ADAM22: variants seen among roughly 807,000 people sequenced by gnomAD.
ADAM22 encodes the protein ADAM metallopeptidase domain 22, also known as disintegrin and metalloproteinase domain-containing protein 22.
Under a neutral mutation model 144.6 loss-of-function variants are expected in ADAM22, and 65 were observed. That is an observed-to-expected ratio of 0.45 (90% confidence interval 0.37 to 0.55). The LOEUF (loss-of-function observed/expected upper bound fraction) is 0.55. ADAM22 is among the 20% of genes least tolerant of loss of function. The pLI, the probability that ADAM22 is intolerant of heterozygous loss-of-function variation, is 0.00. For synonymous variants in ADAM22, 391 were observed against 412.6 expected, an observed-to-expected ratio of 0.95 and a Z score of 0.63; for missense variants, 974 against 1,184.9, an observed-to-expected ratio of 0.82 and a Z score of 2.61.
intron 13 of ADAM22, among the ~76,000 whole-genome samples, 187 bp from the exon 14 acceptor site, chr7:88,135,793 T>C (rs1832866163): frequency 6.6e-6 from 1 of 152,194 alleles, no homozygotes; most frequent in Non-Finnish European, 1.5e-5. Context: ...ATAATCTTGA[T>C]AGGGTCAAAG....
At chr7:88,029,636 A>G (rs562640433) in intron 3 of ADAM22, among the ~76,000 whole-genome samples, 12 of 152,170 alleles carry the variant, frequency 7.9e-5, no homozygotes, top group Admixed American at 5.9e-4. Flanking sequence ...AACTTTGTTT[A>G]GTGTTTCTTA....
At chr7:88,001,008 A>G (rs1792414237) in intron 3 of ADAM22, among the ~76,000 whole-genome samples, 1 of 152,198 alleles carries the variant, frequency 6.6e-6, no homozygotes, top group Admixed American at 6.5e-5. Context: ...ATTATCATGC[A>G]ATTGTTTCTA....
At chr7:88,135,207 G>A (rs1832715743) in intron 13 of ADAM22, among the ~76,000 whole-genome samples, 1 of 149,366 alleles carries the variant, frequency 6.7e-6, no homozygotes, top group Admixed American at 6.7e-5. Flanking sequence ...GAACCCAGGA[G>A]GCGGAGGTTG....
At chr7:87,947,960 A>T (rs1340515699) in intron 2 of ADAM22, among the ~76,000 whole-genome samples, 1 of 152,172 alleles carries the variant, frequency 6.6e-6, no homozygotes, top group African/African-American at 2.4e-5. Flanking sequence ...GCCATGACTT[A>T]TAGAGGGCCC....
At chr7:88,116,950 C>A in intron 7 of ADAM22, 136 bp downstream of exon 7, 5 of 602,238 alleles carry the variant, frequency 8.3e-6, no homozygotes, top group Admixed American at 3.1e-5. Context: ...AGCCAAGTCA[C>A]GTCAAGAGGG....
chr7:88,184,511 G>A (rs769872139), intron 29 of ADAM22: 4 of 210,186 alleles, frequency 1.9e-5, no homozygotes, highest in Non-Finnish European at 4.1e-5. Flanking sequence ...CCTCATGTTT[G>A]CCAGAGGTGC....
intron 4 of ADAM22, among the ~76,000 whole-genome samples, chr7:88,082,450 C>T (rs924248841): frequency 9.9e-5 from 15 of 151,952 alleles, no homozygotes; most frequent in African/African-American, 3.1e-4. Context: ...GTCTAAAACA[C>T]CAAATGCAAT....
intron 4 of ADAM22, among the ~76,000 whole-genome samples, chr7:88,078,863 A>G (rs1279657128): frequency 5.9e-5 from 9 of 152,224 alleles, no homozygotes; most frequent in African/African-American, 2.4e-5. Flanking sequence ...GACCAAATCT[A>G]CGTCTAATTG....
intron 29 of ADAM22, among the ~76,000 whole-genome samples, chr7:88,185,037 C>G (rs547772781): frequency 4.6e-5 from 7 of 152,288 alleles, no homozygotes; most frequent in African/African-American, 1.7e-4. Flanking sequence ...GCTTTTTCTA[C>G]GGTTTTCCCC....
intron 3 of ADAM22, among the ~76,000 whole-genome samples, chr7:88,053,301 G>T (rs975093275): frequency 1.3e-5 from 2 of 150,544 alleles, no homozygotes; most frequent in African/African-American, 4.9e-5. Flanking sequence ...CACCCTCTCC[G>T]CTAAAAAAAA....
At chr7:87,948,700 T>C (rs1422240319) in intron 2 of ADAM22, among the ~76,000 whole-genome samples, 2 of 152,196 alleles carry the variant, frequency 1.3e-5, no homozygotes, top group Non-Finnish European at 2.9e-5. Flanking sequence ...TTTTTATAGG[T>C]ATTCTAAAAG....
intron 4 of ADAM22, among the ~76,000 whole-genome samples, chr7:88,088,325 T>A (rs1012307387): frequency 6.6e-6 from 1 of 152,142 alleles, no homozygotes; most frequent in Non-Finnish European, 1.5e-5. Flanking sequence ...AGCCCCATGA[T>A]AGATTTCTAA....
chr7:87,944,816 G>GTTTT (rs11311070), intron 2 of ADAM22, among the ~76,000 whole-genome samples: 7 of 127,030 alleles, frequency 5.5e-5, no homozygotes, highest in East Asian at 2.5e-4. Flanking sequence ...GGAAACTTGT[G>GTTTT]TTTTTTTTTT....
At chr7:87,940,775 A>T (rs1012149250) in intron 2 of ADAM22, among the ~76,000 whole-genome samples, 2 of 152,204 alleles carry the variant, frequency 1.3e-5, no homozygotes, top group East Asian at 1.9e-4. Flanking sequence ...TCAGGCCTAG[A>T]ATATTCAAAA....
At chr7:88,148,949 T>C in intron 17 of ADAM22, 28 bp from the exon 18 acceptor site, 1 of 1,577,606 alleles carries the variant, frequency 6.3e-7, no homozygotes, top group Non-Finnish European at 8.7e-7. Flanking sequence ...TCCCTACAGT[T>C]TCACACGTTG....
chr7:88,032,488 G>T (rs1457946890), intron 3 of ADAM22, among the ~76,000 whole-genome samples: 3 of 152,146 alleles, frequency 2.0e-5, no homozygotes, highest in Admixed American at 2.0e-4. Context: ...TCTTGTTTTT[G>T]ATTTTACAGG....
intron 15 of ADAM22, among the ~76,000 whole-genome samples, 199 bp downstream of exon 15, chr7:88,143,324 A>T (rs2129521280): frequency 6.6e-6 from 1 of 152,296 alleles, no homozygotes. Context: ...TGGGAATAGA[A>T]AGCAGGTAGA....
At position 88,193,126 on chromosome 7, in the gene ADAM22, C is replaced by T. The variant is rs1849968297; in HGVS notation, c.2761C>T (p.Pro921Ser). The change falls in exon 31 of 32, where the codon CCT (proline) becomes TCT (serine). Residue 921 changes from proline (P) to serine (S), a missense_variant. Pro to Ser is a moderately conservative substitution (Grantham distance 74). Transcript: ENST00000413139. ...TTCTCAACATCTCAGGACTTTATCTCCTGCCAAGTCTCCTTCTTCATCAAC... is the reference window on the plus strand; with the variant it reads ...TTCTCAACATCTCAGGACTTTATCTTCTGCCAAGTCTCCTTCTTCATCAAC... ...TEGPYFRTLS[P>S]AKSPSSSTGS... 3 of 1,613,980 alleles carry T rather than the reference C, an allele frequency of 1.9e-6. No homozygotes were observed. Among genetic ancestry groups the T allele is most frequent in the South Asian group, 1.1e-5 (1 of 91,072 alleles).
intron 4 of ADAM22, among the ~76,000 whole-genome samples, chr7:88,084,950 C>T (rs895896711): frequency 2.0e-5 from 3 of 152,206 alleles, no homozygotes; most frequent in Admixed American, 1.3e-4. Flanking sequence ...CTTCACATGG[C>T]TTTCCCTCTG....
Sources: allele counts gnomAD v4.1 joint callset (sites outside exome capture counted in the v4.1 genomes callset), GRCh38; gene constraint gnomAD v4.1.1; transcripts MANE v1.5; gene names NCBI Gene and HGNC (gene_info 2026-07-23, HGNC 2026-07-21).